Variants in FRAS1 observed in about 807,000 individuals in gnomAD.
The protein encoded by FRAS1 is extracellular matrix organizing protein FRAS1.
FRAS1 carries 290 observed loss-of-function variants against 435.2 expected under a neutral mutation model. That is an observed-to-expected ratio of 0.67 (90% CI 0.61 to 0.73). The LOEUF is 0.73. Among genes scored for constraint, FRAS1 ranks in the 30% least tolerant of loss-of-function variants. FRAS1 has a pLI of 0.00. For missense variants in FRAS1, 4,860 were observed against 5,001.5 expected (o/e 0.97, Z 0.85); for synonymous variants, 1,800 against 1,851.0 (o/e 0.97, Z 0.71).
chr4:78,337,897 T>C, intron 20 of FRAS1, 80 bp downstream of exon 20: 1 of 1,411,526 alleles, frequency 7.1e-7, no homozygotes, highest in Non-Finnish European at 1.0e-6. Flanking sequence ...AGGGGGCTCT[T>C]TGTCCTCAGT....
chr4:78,447,962 T>C, intron 43 of FRAS1, 91 bp from the exon 44 acceptor site: 1 of 1,222,074 alleles, frequency 8.2e-7, no homozygotes, highest in Non-Finnish European at 1.1e-6. Context: ...CTACCCAGAC[T>C]CATACTACTT....
chr4:78,334,597 G>C (rs565795347), intron 19 of FRAS1, among the ~76,000 whole-genome samples: 1 of 151,538 alleles, frequency 6.6e-6, no homozygotes, highest in Non-Finnish European at 1.5e-5. Flanking sequence ...TCGTGATCTC[G>C]TGACCTCGTG....
chr4:78,091,917 T>C (rs764917491), intron 2 of FRAS1, among the ~76,000 whole-genome samples: 20 of 129,776 alleles, frequency 1.5e-4, no homozygotes, highest in Admixed American at 3.0e-4. Flanking sequence ...GAGGCTAAGA[T>C]AGGAGGATCG....
intron 18 of FRAS1, among the ~76,000 whole-genome samples, chr4:78,326,491 G>C (rs1729722149): frequency 6.6e-6 from 1 of 152,188 alleles, no homozygotes; most frequent in African/African-American, 2.4e-5. Context: ...GTTTTGGACT[G>C]ATGTCCACAA....
intron 13 of FRAS1, 104 bp downstream of exon 13, chr4:78,284,652 C>A: frequency 1.9e-6 from 2 of 1,046,736 alleles, no homozygotes; most frequent in Non-Finnish European, 2.7e-6. Context: ...AGGAGGGGGT[C>A]ATGCATGCAG....
Position 78,308,225 on chromosome 4 carries a change from C to T in FRAS1, c.1678+16C>T, listed in dbSNP as rs369783269. The T allele has an allele frequency of 6.8e-6, 11 of 1,608,736 alleles. No individual in the cohort carries two copies. In the African/African-American group the frequency reaches 8.0e-5, roughly 12 times the overall value. On this transcript the variant is annotated intron_variant, in intron 15 of 73. Coordinates refer to ENST00000512123, the MANE Select transcript of FRAS1 (RefSeq NM_025074.7). ...ACCTGTAGCGGTGAGTGCTGGGTTG[C>T]GATGCTGACGTGTCCTTTCCTTTTT...
chr4:78,066,312 T>A (rs918436369), intron 2 of FRAS1, among the ~76,000 whole-genome samples: 1 of 152,142 alleles, frequency 6.6e-6, no homozygotes, highest in Non-Finnish European at 1.5e-5. Context: ...TTAGATCCCA[T>A]CCTTTTGTCA....
intron 2 of FRAS1, among the ~76,000 whole-genome samples, chr4:78,122,692 C>T (rs1719100255): frequency 6.6e-6 from 1 of 152,014 alleles, no homozygotes; most frequent in Non-Finnish European, 1.5e-5. Flanking sequence ...GATGGTATCT[C>T]ATTGTGGTTT....
At position 78,526,599 on chromosome 4, in the gene FRAS1, C is replaced by G. The variant is rs1232283583; in HGVS notation, c.10867C>G (p.Gln3623Glu). The change falls in exon 70 of 74, where the codon CAG becomes GAG. Residue 3623 changes from glutamine (Q) to glutamate (E), a missense_variant. Physicochemically the swap from Gln to Glu is conservative, Grantham distance 29 (BLOSUM62 2). Transcript: ENST00000512123. Reference protein sequence around the residue: ...YLIPCTVQPTQPWVDPGEKPL... With the variant: ...YLIPCTVQPTEPWVDPGEKPL... Reference sequence around the variant, plus strand: ...GATCCCTTGCACAGTGCAGCCCACACAGCCATGGGTTGACCCAGGAGAGAA... The same window carrying G: ...GATCCCTTGCACAGTGCAGCCCACAGAGCCATGGGTTGACCCAGGAGAGAA... 1.9e-6 allele frequency: 3 copies of G among 1,602,500 alleles called. No homozygotes were observed. Among genetic ancestry groups the G allele is most frequent in the Middle Eastern group, 1.7e-4 (1 of 6,040 alleles).
chr4:78,100,179 G>C (rs1300020707), intron 2 of FRAS1, among the ~76,000 whole-genome samples: 4 of 152,312 alleles, frequency 2.6e-5, no homozygotes, highest in Middle Eastern at 3.4e-3. Context: ...TTCACTTACT[G>C]TTATGTGAAA....
chr4:78,389,024 A>G (rs1732340856), intron 29 of FRAS1, among the ~76,000 whole-genome samples: 1 of 152,256 alleles, frequency 6.6e-6, no homozygotes, highest in Admixed American at 6.5e-5. Context: ...TATGAAAAAT[A>G]ATACATAACC....
At chr4:78,079,341 C>A (rs1446473127) in intron 2 of FRAS1, among the ~76,000 whole-genome samples, 1 of 151,908 alleles carries the variant, frequency 6.6e-6, no homozygotes, top group African/African-American at 2.4e-5. Context: ...TGAAGAAAAC[C>A]AAGAATGGAC....
chr4:78,390,448 A>G (rs1220807608), intron 29 of FRAS1, among the ~76,000 whole-genome samples: 2 of 152,206 alleles, frequency 1.3e-5, no homozygotes, highest in African/African-American at 4.8e-5. Flanking sequence ...CTATGATTTC[A>G]TCTCAAGTGT....
chr4:78,188,199 C>T (rs1307332777), intron 2 of FRAS1, among the ~76,000 whole-genome samples: 1 of 152,096 alleles, frequency 6.6e-6, no homozygotes, highest in Non-Finnish European at 1.5e-5. Context: ...TTGATTCCTT[C>T]CTCTGTGGAG....
At chr4:78,413,769 C>T (rs1211311755) in intron 32 of FRAS1, among the ~76,000 whole-genome samples, 2 of 152,164 alleles carry the variant, frequency 1.3e-5, no homozygotes, top group African/African-American at 2.4e-5. Context: ...CAGAAAGCCT[C>T]GTATGCTGGT....
chr4:78,484,702 G>A (rs921714217), intron 58 of FRAS1, among the ~76,000 whole-genome samples: 1 of 152,106 alleles, frequency 6.6e-6, no homozygotes, highest in African/African-American at 2.4e-5. Context: ...AGTTTACAAA[G>A]CAATCCATTA....
chr4:78,250,655 T>A (rs1202457833), intron 4 of FRAS1, among the ~76,000 whole-genome samples: 1 of 152,130 alleles, frequency 6.6e-6, no homozygotes, highest in Admixed American at 6.6e-5. Context: ...CCAGGGGAAA[T>A]ACCACAGATA....
At chr4:78,181,281 C>T in intron 2 of FRAS1, 1 of 1,606,330 alleles carries the variant, frequency 6.2e-7, no homozygotes, top group Non-Finnish European at 8.5e-7. Flanking sequence ...TCCTTATTTT[C>T]AGTGTCTGCC....
chr4:78,188,063 G>A (rs765638451), intron 2 of FRAS1, among the ~76,000 whole-genome samples: 2 of 152,138 alleles, frequency 1.3e-5, no homozygotes, highest in Non-Finnish European at 2.9e-5. Context: ...TATGATTAAC[G>A]AGAGGTAGAA....
Sources: gnomAD v4.1 joint callset for allele counts (sites outside exome capture counted in the v4.1 genomes callset) on GRCh38, gnomAD v4.1.1 for gene constraint, MANE v1.5 for transcripts, NCBI Gene and HGNC (gene_info 2026-07-23, HGNC 2026-07-21) for gene names.